SFMBT1: variants seen among roughly 807,000 people sequenced by gnomAD.
SFMBT1 encodes Scm like with four mbt domains 1.
SFMBT1 carries 32 observed loss-of-function variants against 108.7 expected under a neutral mutation model. The observed-to-expected ratio is 0.29, with a 90% confidence interval of 0.22 to 0.40. The LOEUF (loss-of-function observed/expected upper bound fraction) is 0.40. Ranked by LOEUF, SFMBT1 falls within the 10% of genes least tolerant of loss-of-function variation. SFMBT1 has a pLI of 1.00. For synonymous variants in SFMBT1, 348 were observed against 369.5 expected (o/e 0.94, Z 0.67); for missense variants, 816 against 1,059.6 (o/e 0.77, Z 3.19).
At chr3:52,981,084 C>G (rs1357531275) in intron 1 of SFMBT1, among the ~76,000 whole-genome samples, 2 of 151,154 alleles carry the variant, frequency 1.3e-5, no homozygotes, top group Non-Finnish European at 2.9e-5. Context: ...ATCACTTGAA[C>G]CTGGGAGGCA....
Position 52,905,452 on chromosome 3 carries a change from C to T in SFMBT1, c.2461-176G>A, listed in dbSNP as rs567511545. ...TTAAGTGACTCCATAGTCTTCCACACTAATGAAGCTTCAGAATTAATAAAG... is the reference window on the plus strand; with the variant it reads ...TTAAGTGACTCCATAGTCTTCCACATTAATGAAGCTTCAGAATTAATAAAG... On this transcript the variant is annotated intron_variant, in intron 20 of 20. Transcript: ENST00000394752. Among the ~76,000 whole-genome samples, 25 of 152,306 alleles carry T rather than the reference C, an allele frequency of 1.6e-4. No individual in the cohort carries two copies. The South Asian group carries it at 5.0e-3, about 30-fold the overall frequency.
At chr3:53,014,851 C>G (rs1428901052) in intron 1 of SFMBT1, among the ~76,000 whole-genome samples, 1 of 152,012 alleles carries the variant, frequency 6.6e-6, no homozygotes, top group Non-Finnish European at 1.5e-5. Flanking sequence ...TCTGGAGGAC[C>G]CCCAAAATGA....
intron 12 of SFMBT1, among the ~76,000 whole-genome samples, chr3:52,920,037 G>A (rs1429237198): frequency 6.6e-6 from 1 of 152,190 alleles, no homozygotes; most frequent in Non-Finnish European, 1.5e-5. Context: ...ACCATGTGAG[G>A]ACACAACGAG....
In SFMBT1 at chr3:52,984,726, C is replaced by CTGTGTGTGTG. The variant is rs57308874; in HGVS notation, c.-130-15478_-130-15469dup. On this transcript the variant is annotated intron_variant, in intron 1 of 20. Transcript: ENST00000394752. ...TATATACTGAATACTATACTAAATA[C>CTGTGTGTGTG]TGTGTGTGTGTGTGTGTGTGTGTGT... Among the ~76,000 whole-genome samples, 1,047 of 140,218 alleles carry CTGTGTGTGTG rather than the reference C, an allele frequency of 7.5e-3. 7 individuals are homozygous for CTGTGTGTGTG. The highest frequency in any genetic ancestry group is 0.015 in the African/African-American group (577 of 37,352). 92.0% of individuals were successfully genotyped at this position (140,218 alleles called of 152,430 possible). A position where few individuals can be genotyped will look rare whatever the true frequency, so the allele number is the denominator to read the frequency against.
intron 1 of SFMBT1, among the ~76,000 whole-genome samples, chr3:53,040,309 T>C (rs956939072): frequency 1.3e-5 from 2 of 152,210 alleles, no homozygotes; most frequent in African/African-American, 4.8e-5. Flanking sequence ...TGAGTACTTG[T>C]TGGCTAACAC....
intron 10 of SFMBT1, 95 bp downstream of exon 10, chr3:52,925,936 A>G: frequency 8.9e-7 from 1 of 1,128,206 alleles, no homozygotes; most frequent in East Asian, 2.6e-5. Context: ...ATTAAGTGAG[A>G]TGATTATCTT....
chr3:53,040,499 T>C (rs372188299), intron 1 of SFMBT1, among the ~76,000 whole-genome samples: 1 of 152,034 alleles, frequency 6.6e-6, no homozygotes, highest in African/African-American at 2.4e-5. Flanking sequence ...AGAACCCAAG[T>C]TTCCCAGATA....
intron 10 of SFMBT1, among the ~76,000 whole-genome samples, chr3:52,923,918 C>T (rs1314991180): frequency 1.2e-4 from 18 of 152,122 alleles, no homozygotes; most frequent in Non-Finnish European, 2.5e-4. Context: ...TGAAAACAGG[C>T]TCGCATCAAG....
At chr3:53,045,279 AC>A (rs1478402667) in intron 1 of SFMBT1, 2 of 145,788 alleles carry the variant, frequency 1.4e-5, no homozygotes, top group Non-Finnish European at 3.0e-5. Flanking sequence ...CGAAGTTCCG[AC>A]CGGCCGCGCG....
At chr3:53,042,862 A>G (rs1200061626) in intron 1 of SFMBT1, among the ~76,000 whole-genome samples, 1 of 152,256 alleles carries the variant, frequency 6.6e-6, no homozygotes, top group Admixed American at 6.5e-5. Flanking sequence ...GTCATCAATT[A>G]CTCTCTTGGC....
intron 1 of SFMBT1, among the ~76,000 whole-genome samples, chr3:53,008,171 G>C (rs1239442689): frequency 6.6e-6 from 1 of 152,142 alleles, no homozygotes; most frequent in Middle Eastern, 3.4e-3. Context: ...GTATTTGATG[G>C]TAATATAATG....
chr3:52,943,653 C>A, intron 3 of SFMBT1, 60 bp from the exon 4 acceptor site: 1 of 1,606,436 alleles, frequency 6.2e-7, no homozygotes, highest in Non-Finnish European at 8.5e-7. Context: ...TTTCTTTGAC[C>A]AATGTTCTTT....
rs555241626 is a variant in SFMBT1, at chr3:52,965,806, A to G, written c.28+3295T>C. On this transcript the variant is annotated intron_variant, in intron 2 of 20. Coordinates refer to ENST00000394752, the MANE Select transcript of SFMBT1 (RefSeq NM_016329.4). The stretch of plus-strand genomic sequence containing the variant: ...CAGATCACAAGGTCAGGAGATCGCG[A>G]CCATCCTGGCTAACACGGTGAAACC... Among the ~76,000 whole-genome samples the G allele has an allele frequency of 4.0e-5, 6 of 151,674 alleles. No individual in the cohort carries two copies. The East Asian group carries it at 1.2e-3, about 29-fold the overall frequency.
chr3:52,968,395 C>A (rs1428252715), intron 2 of SFMBT1, among the ~76,000 whole-genome samples: 1 of 152,040 alleles, frequency 6.6e-6, no homozygotes, highest in East Asian at 1.9e-4. Context: ...TAGAATTGCA[C>A]ATTCTTTATA....
At chr3:53,015,674 G>A (rs932922966) in intron 1 of SFMBT1, among the ~76,000 whole-genome samples, 2 of 152,072 alleles carry the variant, frequency 1.3e-5, no homozygotes, top group African/African-American at 4.8e-5. Flanking sequence ...ATTAACACCA[G>A]GTCCAAAAGA....
At chr3:52,989,067 A>G (rs967215591) in intron 1 of SFMBT1, among the ~76,000 whole-genome samples, 1 of 147,018 alleles carries the variant, frequency 6.8e-6, no homozygotes, top group Admixed American at 6.9e-5. Flanking sequence ...CACCTGTTAA[A>G]CAGAAAGATT....
chr3:53,014,476 AAAAAC>A (rs10576412), intron 1 of SFMBT1, among the ~76,000 whole-genome samples: 76,261 of 146,028 alleles, frequency 0.52, 22,181 homozygotes, highest in Middle Eastern at 0.66. Context: ...TGTATTTAAA[AAAAAC>A]AAAACAAAAC....
intron 1 of SFMBT1, among the ~76,000 whole-genome samples, chr3:52,995,389 AATTTTT>A (rs1385148096): frequency 6.7e-6 from 1 of 150,190 alleles, no homozygotes; most frequent in Non-Finnish European, 1.5e-5. Flanking sequence ...ACTGGCAAAG[AATTTTT>A]ATTTTTATTT....
At chr3:52,935,068 T>A (rs1166906039) in intron 4 of SFMBT1, among the ~76,000 whole-genome samples, 167 bp from the exon 5 acceptor site, 2 of 152,158 alleles carry the variant, frequency 1.3e-5, no homozygotes, top group Non-Finnish European at 2.9e-5. Context: ...CAAAAATGCT[T>A]CTCTAGATGG....
Sources: allele counts gnomAD v4.1 joint callset (sites outside exome capture counted in the v4.1 genomes callset), GRCh38; gene constraint gnomAD v4.1.1; transcripts MANE v1.5; gene names NCBI Gene and HGNC (gene_info 2026-07-23, HGNC 2026-07-21).